PRDM16: variants seen among roughly 807,000 people sequenced by gnomAD.
The protein encoded by PRDM16 is histone-lysine N-methyltransferase PRDM16.
Under a neutral mutation model 110.6 loss-of-function variants are expected in PRDM16, and 23 were observed. The ratio of observed to expected loss-of-function variants is 0.21; its 90% CI spans 0.15 to 0.29. PRDM16 has a LOEUF of 0.29. Among genes scored for constraint, PRDM16 ranks in the 10% least tolerant of loss-of-function variants. The pLI is 1.00. For missense variants in PRDM16, 1,615 were observed against 1,794.3 expected (o/e 0.90, Z 1.81); for synonymous variants, 799 against 781.8 (o/e 1.02, Z -0.37).
chr1:3,357,552 C>CCGTGT (rs1557630813), intron 3 of PRDM16, among the ~76,000 whole-genome samples: 3 of 151,688 alleles, frequency 2.0e-5, no homozygotes, highest in African/African-American at 7.3e-5. Flanking sequence ...ATCCAGGAAG[C>CCGTGT]GCCGTTCCCC....
Position 3,201,543 on chromosome 1 carries a change from G to A in PRDM16, c.387+15069G>A, listed in dbSNP as rs1306863327. Among the ~76,000 whole-genome samples, 1 of 152,196 alleles carries A rather than the reference G, an allele frequency of 6.6e-6. No homozygotes were observed. The highest frequency in any genetic ancestry group is 2.4e-5 in the African/African-American group (1 of 41,456). On this transcript the variant is annotated intron_variant, in intron 2 of 16. Transcript: ENST00000270722. The surrounding 1 kb of genome is among the most constrained non-coding windows in gnomAD (Gnocchi z 4.1). Reference sequence around the variant, plus strand: ...AGTCATCAGGAATGATGTCAGCTGTGGGGAGGACAGGAGGGCCACCCGGGG... The same window carrying A: ...AGTCATCAGGAATGATGTCAGCTGTAGGGAGGACAGGAGGGCCACCCGGGG...
Position 3,365,725 on chromosome 1 carries a change from G to A in PRDM16, c.439-19427G>A, listed in dbSNP as rs573940942. Among the ~76,000 whole-genome samples the A allele has an allele frequency of 5.3e-5, 8 of 152,358 alleles. No homozygotes were observed. In the East Asian group the frequency reaches 5.8e-4, roughly 11 times the overall value. On this transcript the variant is annotated intron_variant, in intron 3 of 16. Coordinates refer to ENST00000270722, the MANE Select transcript of PRDM16 (RefSeq NM_022114.4). ...CCGCCTAAGTGGCTCCCGTCACCTC[G>A]CCGCGGCCTCGTTTCCATTCTGCAG...
intron 1 of PRDM16, among the ~76,000 whole-genome samples, chr1:3,158,998 C>T (rs1643878996): frequency 6.6e-6 from 1 of 152,234 alleles, no homozygotes; most frequent in Non-Finnish European, 1.5e-5. Flanking sequence ...TCTCGAACTC[C>T]TGACCTCAGG....
chr1:3,295,275 C>G (rs1307686187), intron 3 of PRDM16, among the ~76,000 whole-genome samples: 2 of 152,196 alleles, frequency 1.3e-5, no homozygotes, highest in Non-Finnish European at 2.9e-5. Flanking sequence ...GTGAGCCCCT[C>G]CTGGCCTCAC....
At chr1:3,135,577 G>A (rs1041997167) in intron 1 of PRDM16, among the ~76,000 whole-genome samples, 1 of 151,962 alleles carries the variant, frequency 6.6e-6, no homozygotes, top group African/African-American at 2.4e-5. Flanking sequence ...TCCGTGGCCC[G>A]CAGGTGACAC....
At chr1:3,431,886 G>A in intron 15 of PRDM16, 80 bp from the exon 16 acceptor site, 1 of 1,452,884 alleles carries the variant, frequency 6.9e-7, no homozygotes, top group Non-Finnish European at 9.5e-7. Context: ...CAGGCCCGGA[G>A]CTGGGCTTGC....
chr1:3,180,146 G>A (rs1355630046), intron 1 of PRDM16, among the ~76,000 whole-genome samples: 1 of 151,894 alleles, frequency 6.6e-6, no homozygotes, highest in East Asian at 1.9e-4. Flanking sequence ...ACCCTCCACA[G>A]TTATTTCTGT....
chr1:3,259,750 A>G (rs1640122390), intron 3 of PRDM16, among the ~76,000 whole-genome samples: 1 of 151,838 alleles, frequency 6.6e-6, no homozygotes, highest in Admixed American at 6.6e-5. Flanking sequence ...AGCCCCAAGC[A>G]AGGGACTTCT....
At chr1:3,327,359 G>A (rs1047635200) in intron 3 of PRDM16, among the ~76,000 whole-genome samples, 8 of 152,148 alleles carry the variant, frequency 5.3e-5, no homozygotes, top group African/African-American at 1.9e-4. Flanking sequence ...AGCAGCCCTC[G>A]GGGGGTCCTG....
chr1:3,317,110 C>T (rs1372265527), intron 3 of PRDM16, among the ~76,000 whole-genome samples: 2 of 152,206 alleles, frequency 1.3e-5, no homozygotes, highest in African/African-American at 2.4e-5. Flanking sequence ...GTAATGACAG[C>T]GCCCTACGTG....
intron 2 of PRDM16, among the ~76,000 whole-genome samples, chr1:3,205,090 C>T (rs1010018482): frequency 7.2e-6 from 1 of 139,482 alleles, no homozygotes; most frequent in East Asian, 2.2e-4. Context: ...GTCCCCTTCC[C>T]GGGAAGGGTG....
In PRDM16 at chr1:3,245,891, G is replaced by A. The variant is rs1054913716; in HGVS notation, c.438+1754G>A. ...CTGAAATCACTGGGTTTTCCACCCC[G>A]ATGCGTCCCTGGACCGTCTGACATT... On this transcript the variant is annotated intron_variant, in intron 3 of 16. Transcript: ENST00000270722. This position sits in a 1 kb window ranked among gnomAD's most constrained non-coding sequence, Gnocchi z 4.7. Among the ~76,000 whole-genome samples the A allele has an allele frequency of 2.0e-5, 3 of 152,122 alleles. No homozygotes were observed. The highest frequency in any genetic ancestry group is 3.9e-4 in the East Asian group (2 of 5,188).
chr1:3,285,775 C>G (rs1339202996), intron 3 of PRDM16, among the ~76,000 whole-genome samples: 1 of 152,136 alleles, frequency 6.6e-6, no homozygotes, highest in East Asian at 1.9e-4. Context: ...AAAGCCCCCC[C>G]ACCACCGGAC....
intron 3 of PRDM16, among the ~76,000 whole-genome samples, chr1:3,263,594 T>G (rs2455107): frequency 0.3 from 44,906 of 152,100 alleles, 8,502 homozygotes; most frequent in African/African-American, 0.52. Context: ...TGGGGAACTT[T>G]CCCCAAGGCA....
At chr1:3,101,306 C>G (rs796531113) in intron 1 of PRDM16, among the ~76,000 whole-genome samples, 2 of 152,188 alleles carry the variant, frequency 1.3e-5, no homozygotes, top group Non-Finnish European at 2.9e-5. Context: ...ATGAGGGCCG[C>G]GAGGCAGTGC....
intron 3 of PRDM16, among the ~76,000 whole-genome samples, chr1:3,305,987 C>T (rs533246212): frequency 1.3e-5 from 2 of 152,356 alleles, no homozygotes; most frequent in East Asian, 3.9e-4. Flanking sequence ...GGGTACAGTC[C>T]CAAGCTCGAG....
intron 3 of PRDM16, among the ~76,000 whole-genome samples, chr1:3,266,476 T>C (rs1640296088): frequency 3.9e-5 from 6 of 152,156 alleles, no homozygotes; most frequent in Admixed American, 2.6e-4. Context: ...ACCGAGCGGT[T>C]CGCATTTGCA....
chr1:3,328,384 G>A (rs1339512178), intron 3 of PRDM16, among the ~76,000 whole-genome samples: 2 of 152,244 alleles, frequency 1.3e-5, no homozygotes, highest in Admixed American at 6.5e-5. Context: ...CTCCTTGGTC[G>A]TGGGCCAGGG....
In PRDM16 at chr1:3,177,586, C is replaced by T. The variant is rs567767085; in HGVS notation, c.38-8539C>T. On this transcript the variant is annotated intron_variant, in intron 1 of 16. Coordinates refer to ENST00000270722, the MANE Select transcript of PRDM16 (RefSeq NM_022114.4). The stretch of plus-strand genomic sequence containing the variant: ...ACCACAGTGCCGGCTGCATGCTCCG[C>T]GGCCCAGTCAATATCAGCAGCCGGC... Among the ~76,000 whole-genome samples, 6 of 152,310 alleles carry T rather than the reference C, an allele frequency of 3.9e-5. No homozygotes were observed. In the East Asian group the frequency reaches 7.7e-4, roughly 20 times the overall value.
Sources: gnomAD v4.1 joint callset for allele counts (sites outside exome capture counted in the v4.1 genomes callset) on GRCh38, gnomAD v4.1.1 for gene constraint, Gnocchi (gnomAD v3.1) non-coding constraint, MANE v1.5 for transcripts, NCBI Gene and HGNC (gene_info 2026-07-23, HGNC 2026-07-21) for gene names.